GABRR2: variants seen among roughly 807,000 people sequenced by gnomAD.
GABRR2 encodes gamma-aminobutyric acid type A receptor subunit rho2.
A neutral mutation model predicts 47.0 loss-of-function variants in GABRR2; 36 were observed. The ratio of observed to expected loss-of-function variants is 0.77; its 90% CI spans 0.59 to 1.01. The LOEUF (loss-of-function observed/expected upper bound fraction) is 1.01. GABRR2 is among the 50% of genes least tolerant of loss of function. The pLI is 0.00. For missense variants in GABRR2, 587 were observed against 594.6 expected, an observed-to-expected ratio of 0.99 and a Z score of 0.13; for synonymous variants, 204 against 227.5, an observed-to-expected ratio of 0.90 and a Z score of 0.93.
At chr6:89,274,400 C>T (rs1225342334) in intron 2 of GABRR2, among the ~76,000 whole-genome samples, 1 of 152,196 alleles carries the variant, frequency 6.6e-6, no homozygotes, top group African/African-American at 2.4e-5. Flanking sequence ...TGGCCCTTCC[C>T]AACCTAGATT....
intron 2 of GABRR2, among the ~76,000 whole-genome samples, chr6:89,282,740 A>C (rs1774271427): frequency 6.6e-6 from 1 of 152,230 alleles, no homozygotes. Flanking sequence ...AGGCAGCCCG[A>C]AGTGGGGCTT....
chr6:89,302,489 C>T (rs1366649190), intron 1 of GABRR2: 2 of 677,666 alleles, frequency 3.0e-6, no homozygotes, highest in African/African-American at 1.8e-5. Flanking sequence ...ATCACTACCT[C>T]CTTGTGCTTC....
chr6:89,262,801 C>T (rs1326993211), intron 8 of GABRR2, among the ~76,000 whole-genome samples: 3 of 152,198 alleles, frequency 2.0e-5, no homozygotes, highest in Admixed American at 6.5e-5. Context: ...TTTATCTCCA[C>T]AGCTTTTAGA....
intron 2 of GABRR2, among the ~76,000 whole-genome samples, chr6:89,296,878 G>C (rs1051327555): frequency 7.9e-5 from 12 of 152,202 alleles, no homozygotes; most frequent in African/African-American, 2.9e-4. Context: ...TTTTGCAGCT[G>C]ATGTCACAAA....
chr6:89,289,020 GA>G (rs552638320), intron 2 of GABRR2, among the ~76,000 whole-genome samples: 66 of 152,010 alleles, frequency 4.3e-4, no homozygotes, highest in African/African-American at 1.6e-3. Flanking sequence ...GATGTCAAAG[GA>G]AAAAAAGGTC....
Position 89,257,604 on chromosome 6 carries a change from G to T in GABRR2, c.*66C>A. 2 of 1,307,698 alleles carry T rather than the reference G, an allele frequency of 1.5e-6. No homozygotes were observed. Among genetic ancestry groups the T allele is most frequent in the Non-Finnish European group, 1.1e-6 (1 of 946,028 alleles). 81.0% of individuals were successfully genotyped at this position (1,307,698 alleles called of 1,614,324 possible). Reference sequence around the variant, plus strand: ...TGAGGGGCGTGTGGTCAACAAGTCCGTCTGTCAATGACTGGCCAGGCCCCC... The same window carrying T: ...TGAGGGGCGTGTGGTCAACAAGTCCTTCTGTCAATGACTGGCCAGGCCCCC... On this transcript the variant is annotated 3_prime_UTR_variant, in exon 9 of 9. Transcript: ENST00000402938.
intron 1 of GABRR2, among the ~76,000 whole-genome samples, chr6:89,309,866 C>T (rs557137901): frequency 1.3e-5 from 2 of 152,062 alleles, no homozygotes; most frequent in East Asian, 3.9e-4. Flanking sequence ...CAGCCTCAAA[C>T]TCCTGGGCTC....
intron 2 of GABRR2, among the ~76,000 whole-genome samples, chr6:89,287,977 A>G (rs1158116067): frequency 6.6e-6 from 1 of 152,196 alleles, no homozygotes; most frequent in Admixed American, 6.5e-5. Context: ...CTGAGGCCAC[A>G]CAGTGAGAGA....
At chr6:89,273,965 T>C (rs538233260) in intron 2 of GABRR2, among the ~76,000 whole-genome samples, 90 of 152,300 alleles carry the variant, frequency 5.9e-4, no homozygotes, top group Admixed American at 4.7e-3. Context: ...GCGATGGCCC[T>C]CTTGGATTCA....
At chr6:89,301,659 T>TG (rs1767442394) in intron 1 of GABRR2, 1 of 489,244 alleles carries the variant, frequency 2.0e-6, no homozygotes, top group African/African-American at 1.9e-5. Context: ...GGAATACAGC[T>TG]AACCAGGGAG....
intron 2 of GABRR2, among the ~76,000 whole-genome samples, chr6:89,285,131 C>T (rs1465786659): frequency 1.3e-5 from 2 of 152,192 alleles, no homozygotes; most frequent in African/African-American, 4.8e-5. Flanking sequence ...AAGGAGGTGC[C>T]TTCTGCCCTG....
intron 2 of GABRR2, among the ~76,000 whole-genome samples, chr6:89,292,239 A>G (rs1330857298): frequency 2.0e-5 from 3 of 151,318 alleles, no homozygotes; most frequent in Non-Finnish European, 4.4e-5. Flanking sequence ...TCCCTCCAGT[A>G]TCTCCCATCT....
intron 2 of GABRR2, among the ~76,000 whole-genome samples, chr6:89,295,246 C>A (rs1026456884): frequency 2.0e-5 from 3 of 152,214 alleles, no homozygotes; most frequent in Non-Finnish European, 4.4e-5. Context: ...AACTAGTCTA[C>A]AGTCCCACCA....
intron 2 of GABRR2, among the ~76,000 whole-genome samples, chr6:89,285,830 C>T (rs1393602018): frequency 1.3e-5 from 2 of 152,114 alleles, no homozygotes; most frequent in Non-Finnish European, 2.9e-5. Flanking sequence ...CCTCCTTCCC[C>T]AATGTCCTTG....
intron 2 of GABRR2, among the ~76,000 whole-genome samples, chr6:89,285,424 A>G (rs1774316883): frequency 6.6e-6 from 1 of 152,110 alleles, no homozygotes; most frequent in Non-Finnish European, 1.5e-5. Flanking sequence ...GATTTTTCTC[A>G]TGGTGAGGGC....
chr6:89,277,648 A>G (rs1002147794), intron 2 of GABRR2, among the ~76,000 whole-genome samples: 1 of 99,612 alleles, frequency 1.0e-5, no homozygotes, highest in African/African-American at 3.3e-5. Context: ...TCTAAAATCT[A>G]AAAAAAAAAG....
At chr6:89,302,709 G>T in intron 1 of GABRR2, 4 of 1,356,692 alleles carry the variant, frequency 2.9e-6, no homozygotes, top group Non-Finnish European at 4.1e-6. Context: ...AGTGGCCACC[G>T]TGTTCCGGGG....
intron 1 of GABRR2, among the ~76,000 whole-genome samples, chr6:89,305,562 G>A (rs1385092157): frequency 2.6e-5 from 4 of 152,030 alleles, no homozygotes; most frequent in Non-Finnish European, 5.9e-5. Context: ...AGGGAGGTCA[G>A]GGCTGCAGTG....
Position 89,299,846 on chromosome 6 carries a change from G to A in GABRR2, c.133C>T (p.Leu45Phe), listed in dbSNP as rs376908988. 18 of 1,612,788 alleles carry A rather than the reference G, an allele frequency of 1.1e-5. No homozygotes were observed. Among genetic ancestry groups the A allele is most frequent in the South Asian group, 2.2e-5 (2 of 91,068 alleles). The change falls in exon 2 of 9, where the codon CTT (leucine) becomes TTT (phenylalanine). Residue 45 changes from leucine to phenylalanine, a missense_variant. Transcript: ENST00000402938. ...PKPSHLYKKN[L>F]DVTKIRKGKP... ...CCCTTCCGGATCTTGGTCACATCAA[G>A]GTTCTTCTTATATAAGTGACTGTGA... is the stretch of plus-strand genomic sequence containing the variant.
Sources: allele counts gnomAD v4.1 joint callset (sites outside exome capture counted in the v4.1 genomes callset), GRCh38; gene constraint gnomAD v4.1.1; transcripts MANE v1.5; gene names NCBI Gene and HGNC (gene_info 2026-07-23, HGNC 2026-07-21).